FAM149A: variants seen among roughly 807,000 people sequenced by gnomAD.
FAM149A encodes the protein protein FAM149A.
FAM149A carries 71 observed loss-of-function variants against 78.2 expected under a neutral mutation model. That is an observed-to-expected ratio of 0.91 (90% CI 0.75 to 1.11). FAM149A has a LOEUF of 1.11. FAM149A is among the 50% of genes least tolerant of loss of function. The pLI is 0.00. For synonymous variants in FAM149A, 446 were observed against 410.5 expected, an observed-to-expected ratio of 1.09 and a Z score of -1.04; for missense variants, 1,036 against 971.0, an observed-to-expected ratio of 1.07 and a Z score of -0.89.
At chr4:186,122,548 T>C (rs542886189) in intron 1 of FAM149A, among the ~76,000 whole-genome samples, 29 of 152,304 alleles carry the variant, frequency 1.9e-4, no homozygotes, top group African/African-American at 7.0e-4. Context: ...TTTCAAATGG[T>C]CCGGAATAAA....
At chr4:186,165,242 C>T (rs1267499545) in intron 10 of FAM149A, 102 bp from the exon 11 acceptor site, 8 of 1,287,496 alleles carry the variant, frequency 6.2e-6, no homozygotes, top group African/African-American at 2.9e-5. Flanking sequence ...TCCTGTGTGC[C>T]CCTCACGCAG....
chr4:186,144,916 A>G lies in FAM149A; in HGVS notation c.567-4257A>G. 1.1e-6 allele frequency: 1 copy of G among 951,898 alleles called. No homozygotes were observed. Among genetic ancestry groups the G allele is most frequent in the South Asian group, 4.8e-5 (1 of 20,702 alleles). The allele number at this position is 951,898 out of a possible 1,614,324, so 59.0% of individuals were successfully genotyped here. A position where few individuals can be genotyped will look rare whatever the true frequency, so the allele number is the denominator to read the frequency against. The stretch of plus-strand genomic sequence containing the variant: ...GCGCCCGGGCCGCCTGAGCTGGGCC[A>G]GCCGCGCGGCGGGCGCGGGCGCGGG... On this transcript the variant is annotated intron_variant, in intron 1 of 13. Transcript: ENST00000389354. The surrounding 1 kb of genome is among the most constrained non-coding windows in gnomAD (Gnocchi z 4.2).
chr4:186,110,742 G>A (rs1160648177), intron 1 of FAM149A, among the ~76,000 whole-genome samples: 1 of 143,886 alleles, frequency 6.9e-6, no homozygotes, highest in African/African-American at 2.6e-5. Context: ...TTTTATGGCT[G>A]CATAGTATTT....
At chr4:186,137,006 CTCTCTCTCTCTCTA>C (rs1561396587) in intron 1 of FAM149A, among the ~76,000 whole-genome samples, 9 of 134,428 alleles carry the variant, frequency 6.7e-5, no homozygotes, top group Admixed American at 5.4e-4. Context: ...CTCTCTCTCT[CTCTCTCTCTCTCTA>C]AGTGCTTAAA....
At position 186,150,395 on chromosome 4, in the gene FAM149A, T is replaced by TTCTCTCTC. The variant is rs1228516202; in HGVS notation, c.789+697_789+704dup. Among the ~76,000 whole-genome samples, 811 of 125,418 alleles carry TTCTCTCTC rather than the reference T, an allele frequency of 6.5e-3. 11 individuals carry two copies. The highest frequency in any genetic ancestry group is 0.024 in the African/African-American group (777 of 31,792). 82.3% of individuals were successfully genotyped at this position (125,418 alleles called of 152,430 possible). A position where few individuals can be genotyped will look rare whatever the true frequency, so the allele number is the denominator to read the frequency against. The stretch of plus-strand genomic sequence containing the variant: ...TGTTGTTGTTTTTTGCTTGCTTGCT[T>TTCTCTCTC]TCTCTCTCTCTCTGTCTCTTTTTTT... On this transcript the variant is annotated intron_variant, in intron 3 of 13. Coordinates refer to ENST00000389354, the MANE Select transcript of FAM149A (RefSeq NM_001367768.3).
At position 186,157,702 on chromosome 4, in the gene FAM149A, C is replaced by G; in HGVS notation, c.1558C>G (p.Arg520Gly). The G allele has an allele frequency of 6.2e-7, 1 of 1,610,932 alleles. No individual in the cohort carries two copies. Among genetic ancestry groups the G allele is most frequent in the Non-Finnish European group, 8.5e-7 (1 of 1,178,208 alleles). ...GGCTCACGGCATCTCCCTGGCTTCT[C>G]GTCTGAACCCGCCCCAGGTCGGTGC... Residue 520 changes from arginine to glycine, a missense_variant, in exon 8 of 14, where the codon CGT (arginine) becomes GGT (glycine). This residue lies in a region of FAM149A where 716 missense variants were observed against 711.8 expected (regional missense o/e 1.01). Coordinates refer to ENST00000389354, the MANE Select transcript of FAM149A (RefSeq NM_001367768.3).
intron 8 of FAM149A, chr4:186,158,489 G>A (rs766648676): frequency 2.7e-6 from 3 of 1,099,104 alleles, no homozygotes; most frequent in Non-Finnish European, 3.3e-6. Flanking sequence ...CTCTGCTTCT[G>A]CAGAGACCCT....
intron 1 of FAM149A, chr4:186,109,710 G>GAA: frequency 1.0e-6 from 1 of 981,492 alleles, no homozygotes; most frequent in Non-Finnish European, 1.2e-6. Flanking sequence ...GCACAGAAAT[G>GAA]AAAATTGAGA....
At chr4:186,120,589 T>C (rs10013890) in intron 1 of FAM149A, among the ~76,000 whole-genome samples, 149,923 of 151,690 alleles carry the variant, frequency 0.99, 74,121 homozygotes, top group East Asian at 1. Context: ...ATTAGGAGTT[T>C]GAGACCAGCC....
At chr4:186,146,734 T>G in intron 1 of FAM149A, 1 of 941,222 alleles carries the variant, frequency 1.1e-6, no homozygotes, top group Non-Finnish European at 1.3e-6. Context: ...AAAGAAGAGC[T>G]GTGACTTTTT....
chr4:186,155,083 C>G, intron 6 of FAM149A: 1 of 274,398 alleles, frequency 3.6e-6, no homozygotes, highest in Non-Finnish European at 5.6e-6. Context: ...CTCCCTCAGC[C>G]TCCCGAGTAG....
At chr4:186,120,597 G>C (rs2099315571) in intron 1 of FAM149A, among the ~76,000 whole-genome samples, 1 of 151,536 alleles carries the variant, frequency 6.6e-6, no homozygotes, top group South Asian at 2.1e-4. Context: ...TTTGAGACCA[G>C]CCTGGCCAAT....
chr4:186,145,239 C>A, intron 1 of FAM149A: 1 of 764,170 alleles, frequency 1.3e-6, no homozygotes, highest in Non-Finnish European at 1.6e-6. Context: ...AAGCGTCAGG[C>A]CGGCCCCGGG....
intron 1 of FAM149A, chr4:186,116,640 C>T (rs149349775): frequency 1.0e-6 from 1 of 971,074 alleles, no homozygotes; most frequent in Non-Finnish European, 1.2e-6. Flanking sequence ...TGTCACCAGG[C>T]TGGCTGGAGG....
chr4:186,130,263 A>ATATCTCTCTCTCTCTCTCTCTCTCTC (rs1554068048), intron 1 of FAM149A: 1 of 67,098 alleles, frequency 1.5e-5, no homozygotes, highest in African/African-American at 5.3e-5. Flanking sequence ...ACTTTATGAA[A>ATATCTCTCTCTCTCTCTCTCTCTCTC]TCTCTCTCTC....
intron 4 of FAM149A, 57 bp downstream of exon 4, chr4:186,152,102 A>T: frequency 2.6e-6 from 4 of 1,552,930 alleles, no homozygotes; most frequent in Non-Finnish European, 3.5e-6. Flanking sequence ...CCCACCCCTG[A>T]CCTGCCTCGA....
At chr4:186,128,178 A>G (rs2099319206) in intron 1 of FAM149A, among the ~76,000 whole-genome samples, 1 of 151,148 alleles carries the variant, frequency 6.6e-6, no homozygotes, top group South Asian at 2.1e-4. Context: ...TTTAGTAGAG[A>G]TGGCTTCACC....
intron 1 of FAM149A, chr4:186,130,275 C>CTCTCTCTCTCTT (rs1434677772): frequency 5.9e-5 from 2 of 33,984 alleles, no homozygotes; most frequent in Non-Finnish European, 1.0e-4. Flanking sequence ...CTCTCTCTCT[C>CTCTCTCTCTCTT]TCTCTCTCTC....
intron 1 of FAM149A, chr4:186,123,892 A>C (rs1411998487): frequency 2.1e-6 from 2 of 963,138 alleles, no homozygotes; most frequent in Non-Finnish European, 2.4e-6. Context: ...AAAAAAAATA[A>C]AACACTTTTT....
Sources: gnomAD v4.1 joint callset for allele counts (sites outside exome capture counted in the v4.1 genomes callset) on GRCh38, gnomAD v4.1.1 for gene constraint, gnomAD v4.1.1 regional missense constraint, Gnocchi (gnomAD v3.1) non-coding constraint, MANE v1.5 for transcripts, NCBI Gene and HGNC (gene_info 2026-07-23, HGNC 2026-07-21) for gene names.